Variants in CPEB1 observed in about 807,000 individuals in gnomAD.
CPEB1 encodes the protein cytoplasmic polyadenylation element binding protein 1.
In CPEB1, 7 loss-of-function variants were observed where a neutral mutation model predicts 65.8. That is an observed-to-expected ratio of 0.11 (90% confidence interval 0.06 to 0.20). The LOEUF (loss-of-function observed/expected upper bound fraction) is 0.20, where lower values mean the gene tolerates loss of function less well. Ranked by LOEUF, CPEB1 falls within the 10% of genes least tolerant of loss-of-function variation. CPEB1 has a pLI of 1.00. For synonymous variants in CPEB1, 262 were observed against 260.0 expected, an observed-to-expected ratio of 1.01 and a Z score of -0.08; for missense variants, 551 against 712.2, an observed-to-expected ratio of 0.77 and a Z score of 2.58.
chr15:82,621,382 G>C (rs2045285370), intron 3 of CPEB1, among the ~76,000 whole-genome samples: 2 of 152,032 alleles, frequency 1.3e-5, no homozygotes, highest in South Asian at 4.2e-4. Flanking sequence ...AGCACTTTGG[G>C]AGGCCGAGGC....
chr15:82,583,578 A>G (rs185044426), intron 3 of CPEB1: 1 of 152,370 alleles, frequency 6.6e-6, no homozygotes, highest in East Asian at 1.9e-4. Flanking sequence ...AAGCTTCAAA[A>G]GATTTATTCT....
In CPEB1 at chr15:82,549,666, C is replaced by G; in HGVS notation, c.1282-8G>C. The G allele has an allele frequency of 6.2e-7, 1 of 1,613,944 alleles. No homozygotes were observed. The highest frequency in any genetic ancestry group is 8.5e-7 in the Non-Finnish European group (1 of 1,179,874). ...CCAGGGGATCACCTGCACCTGAAAA[C>G]CACCCAAAGGTGTATCAGCCCTGGC... On this transcript the variant is annotated splice_polypyrimidine_tract_variant and splice_region_variant and intron_variant, in intron 9 of 12. Coordinates refer to ENST00000684509, the MANE Select transcript of CPEB1 (RefSeq NM_001365242.1).
At chr15:82,632,262 G>C (rs879548927) in intron 1 of CPEB1, among the ~76,000 whole-genome samples, 1 of 151,846 alleles carries the variant, frequency 6.6e-6, no homozygotes, top group Non-Finnish European at 1.5e-5. Flanking sequence ...GATTACAGGC[G>C]TGAGCCACTG....
intron 1 of CPEB1, among the ~76,000 whole-genome samples, chr15:82,631,173 G>GA (rs1022854206): frequency 1.3e-4 from 19 of 151,058 alleles, no homozygotes; most frequent in Admixed American, 2.6e-4. Flanking sequence ...CAAGGAGTCT[G>GA]AAAAAAAAAT....
At chr15:82,593,649 T>A (rs534937967) in intron 3 of CPEB1, among the ~76,000 whole-genome samples, 1 of 152,324 alleles carries the variant, frequency 6.6e-6, no homozygotes, top group South Asian at 2.1e-4. Context: ...GAATAATGAA[T>A]CCTTTCCAGA....
At chr15:82,585,343 C>G (rs1031136674) in intron 3 of CPEB1, among the ~76,000 whole-genome samples, 1 of 152,138 alleles carries the variant, frequency 6.6e-6, no homozygotes, top group Non-Finnish European at 1.5e-5. Flanking sequence ...AAGACACAAC[C>G]AACAGTTAAG....
intron 3 of CPEB1, among the ~76,000 whole-genome samples, chr15:82,613,109 G>A (rs574604919): frequency 2.0e-5 from 3 of 151,698 alleles, no homozygotes; most frequent in Admixed American, 6.6e-5. Context: ...ATATTTTAAG[G>A]AAAGAAAATT....
intron 3 of CPEB1, among the ~76,000 whole-genome samples, chr15:82,609,676 C>G (rs1313919873): frequency 6.7e-6 from 1 of 150,248 alleles, no homozygotes; most frequent in Non-Finnish European, 1.5e-5. Context: ...TGAAAAACAT[C>G]TGCAAAACTG....
At chr15:82,588,773 A>G (rs1247140636) in intron 3 of CPEB1, among the ~76,000 whole-genome samples, 2 of 152,204 alleles carry the variant, frequency 1.3e-5, no homozygotes, top group Non-Finnish European at 2.9e-5. Flanking sequence ...TCCCAACGAT[A>G]TGAGAACTAT....
chr15:82,616,215 C>T (rs1005902829), intron 3 of CPEB1, among the ~76,000 whole-genome samples: 2 of 151,988 alleles, frequency 1.3e-5, no homozygotes, highest in Non-Finnish European at 2.9e-5. Context: ...AGCTTGAGAG[C>T]ATGAGTGTAT....
upstream of CPEB1, chr15:82,647,747 A>T (rs955273144): frequency 9.9e-7 from 1 of 1,007,240 alleles, no homozygotes; most frequent in African/African-American, 1.7e-5. Flanking sequence ...ACTCGCCCGC[A>T]CGGGGCGGGG....
chr15:82,559,718 T>C (rs749388829), intron 4 of CPEB1, among the ~76,000 whole-genome samples: 4 of 152,224 alleles, frequency 2.6e-5, no homozygotes, highest in Non-Finnish European at 5.9e-5. Flanking sequence ...AAAATTTAAC[T>C]GTATGCTAAA....
chr15:82,636,142 T>G (rs1211974901), intron 1 of CPEB1, among the ~76,000 whole-genome samples: 2 of 152,196 alleles, frequency 1.3e-5, no homozygotes, highest in African/African-American at 2.4e-5. Flanking sequence ...CTTCCTTGAT[T>G]TAAAATATCC....
At chr15:82,566,242 C>A (rs1029453153) in intron 4 of CPEB1, among the ~76,000 whole-genome samples, 1 of 152,100 alleles carries the variant, frequency 6.6e-6, no homozygotes, top group African/African-American at 2.4e-5. Context: ...GAGAGACTAG[C>A]CCCAAGACAT....
At chr15:82,585,746 A>T (rs2151120665) in intron 3 of CPEB1, among the ~76,000 whole-genome samples, 1 of 152,296 alleles carries the variant, frequency 6.6e-6, no homozygotes, top group East Asian at 1.9e-4. Context: ...TCACTTTCAC[A>T]TCTCGGCAGC....
intron 3 of CPEB1, among the ~76,000 whole-genome samples, chr15:82,615,118 C>G (rs986170464): frequency 1.3e-5 from 2 of 152,142 alleles, no homozygotes; most frequent in African/African-American, 4.8e-5. Context: ...GTAAGTAGCA[C>G]GACCAGAATT....
In CPEB1 at chr15:82,629,383, T is replaced by C. The variant is rs149839151; in HGVS notation, c.-97-827A>G. On this transcript the variant is annotated intron_variant, in intron 1 of 12. Coordinates refer to ENST00000684509, the MANE Select transcript of CPEB1 (RefSeq NM_001365242.1). ...TACAACTCTATGTGGTCATTATTAGTACATACAACTTTATTAACTGGCATG... is the reference window on the plus strand; with the variant it reads ...TACAACTCTATGTGGTCATTATTAGCACATACAACTTTATTAACTGGCATG... 605 of 985,258 alleles carry C rather than the reference T, an allele frequency of 6.1e-4. 1 individual carries two copies. In the African/African-American group the frequency reaches 9.6e-3, roughly 16 times the overall value. 61.0% of individuals were successfully genotyped at this position (985,258 alleles called of 1,614,324 possible).
chr15:82,640,834 G>A (rs1420959722), intron 1 of CPEB1: 1 of 151,130 alleles, frequency 6.6e-6, no homozygotes, highest in Non-Finnish European at 1.5e-5. Flanking sequence ...GTTGAACTGT[G>A]AAGAATGCGG....
chr15:82,646,463 G>C (rs1207025427), intron 1 of CPEB1, among the ~76,000 whole-genome samples: 1 of 152,122 alleles, frequency 6.6e-6, no homozygotes, highest in Non-Finnish European at 1.5e-5. Context: ...CGGGGCGGGG[G>C]AGGAGAGACG....
Sources: gnomAD v4.1 joint callset for allele counts (sites outside exome capture counted in the v4.1 genomes callset) on GRCh38, gnomAD v4.1.1 for gene constraint, MANE v1.5 for transcripts, NCBI Gene and HGNC (gene_info 2026-07-23, HGNC 2026-07-21) for gene names.